Variants in CREB5 observed in about 807,000 individuals in gnomAD.
The protein encoded by CREB5 is cAMP responsive element binding protein 5, also known as cyclic AMP-responsive element-binding protein 5.
CREB5 carries 19 observed loss-of-function variants against 57.1 expected under a neutral mutation model. The ratio of observed to expected loss-of-function variants is 0.33; its 90% CI spans 0.23 to 0.49. The LOEUF (loss-of-function observed/expected upper bound fraction) is 0.49, where lower values mean the gene tolerates loss of function less well. Ranked by LOEUF, CREB5 falls within the 20% of genes least tolerant of loss-of-function variation. The pLI is 0.99. For synonymous variants in CREB5, 238 were observed against 238.3 expected (o/e 1.00, Z 0.01); for missense variants, 579 against 671.6 (o/e 0.86, Z 1.52).
rs1280116550 is a variant in CREB5 at position 28,561,011 on chromosome 7, T to TGC, written c.292-9353_292-9352insCG. 2.3e-3 allele frequency among the ~76,000 whole-genome samples: 110 copies of TGC among 48,034 alleles called. 7 individuals carry two copies. Among genetic ancestry groups the TGC allele is most frequent in the East Asian group, 7.5e-3 (9 of 1,202 alleles). 31.5% of individuals were successfully genotyped at this position (48,034 alleles called of 152,430 possible). ...GTGTGTGTGCCTGCGTGTGCGTGTG[T>TGC]GTGTGCGTGTGTGCGTGTGTGTGTG... On this transcript the variant is annotated intron_variant, in intron 4 of 10. Coordinates refer to ENST00000357727, the MANE Select transcript of CREB5 (RefSeq NM_182898.4).
chr7:28,479,076 T>C (rs1279411033), intron 1 of CREB5, among the ~76,000 whole-genome samples: 1 of 152,220 alleles, frequency 6.6e-6, no homozygotes, highest in African/African-American at 2.4e-5. Flanking sequence ...AGTCCCTTCC[T>C]TTCATCTCCT....
At chr7:28,598,820 G>T (rs906797488) in intron 5 of CREB5, among the ~76,000 whole-genome samples, 1 of 152,126 alleles carries the variant, frequency 6.6e-6, no homozygotes, top group East Asian at 1.9e-4. Context: ...GGATGGACGC[G>T]GGGGAGTCTA....
chr7:28,668,456 T>G (rs41339), intron 5 of CREB5, among the ~76,000 whole-genome samples: 136,685 of 152,156 alleles, frequency 0.9, 61,571 homozygotes, highest in Non-Finnish European at 0.93. Context: ...GAATCCTATT[T>G]TAATTATGCA....
Position 28,823,846 on chromosome 7 carries a change from G to A in CREB5, c.*4567G>A, listed in dbSNP as rs1809919943. 1 of 152,576 alleles carries A rather than the reference G, an allele frequency of 6.6e-6. No individual in the cohort carries two copies. The highest frequency in any genetic ancestry group is 6.6e-5 in the Admixed American group (1 of 15,264). The allele number at this position is 152,576 out of a possible 1,614,324, so 9.5% of individuals were successfully genotyped here. On this transcript the variant is annotated 3_prime_UTR_variant, in exon 11 of 11. Transcript: ENST00000357727. Reference sequence around the variant, plus strand: ...TCAAGCTCCATTATGCAGTATATCTGAGAAGGGAAAGGAAACAACCCATTT... The same window carrying A: ...TCAAGCTCCATTATGCAGTATATCTAAGAAGGGAAAGGAAACAACCCATTT...
At chr7:28,371,531 A>T (rs1353333020) in intron 1 of CREB5, among the ~76,000 whole-genome samples, 3 of 145,298 alleles carry the variant, frequency 2.1e-5, no homozygotes, top group African/African-American at 7.6e-5. Flanking sequence ...GAAAATTGGG[A>T]GGTGGGGAGG....
intron 4 of CREB5, among the ~76,000 whole-genome samples, chr7:28,533,139 G>C (rs1793798260): frequency 6.6e-6 from 1 of 152,112 alleles, no homozygotes; most frequent in Non-Finnish European, 1.5e-5. Flanking sequence ...CTGGAAGGCG[G>C]AGGTAGCAGT....
chr7:28,576,064 C>A (rs1408995341), intron 5 of CREB5, among the ~76,000 whole-genome samples: 1 of 152,072 alleles, frequency 6.6e-6, no homozygotes, highest in Non-Finnish European at 1.5e-5. Context: ...GAAAAATACC[C>A]CAGCTCTCGT....
rs374321227 is a variant in CREB5 at position 28,396,045 on chromosome 7, T to C, written c.-25+96604T>C. Reference sequence around the variant, plus strand: ...ACAAATAACCTAGAAACAGCAGGATTGCCAAACAATCTCCAGCCCCTGAAA... The same window carrying C: ...ACAAATAACCTAGAAACAGCAGGATCGCCAAACAATCTCCAGCCCCTGAAA... On this transcript the variant is annotated intron_variant, in intron 1 of 9. Transcript: ENST00000396299. 1.5e-4 allele frequency among the ~76,000 whole-genome samples: 23 copies of C among 152,304 alleles called. No homozygotes were observed. The East Asian group carries it at 3.5e-3, about 23-fold the overall frequency.
At chr7:28,589,328 G>A (rs559694580) in intron 5 of CREB5, among the ~76,000 whole-genome samples, 8 of 152,114 alleles carry the variant, frequency 5.3e-5, no homozygotes, top group African/African-American at 1.9e-4. Context: ...ACCGAGGTGG[G>A]TGGATCACAA....
chr7:28,530,634 C>T (rs931671100), intron 4 of CREB5, among the ~76,000 whole-genome samples: 2 of 152,216 alleles, frequency 1.3e-5, no homozygotes, highest in Admixed American at 6.5e-5. Context: ...ATGGCCCTCC[C>T]TCTACGCTGC....
intron 4 of CREB5, among the ~76,000 whole-genome samples, chr7:28,532,726 A>C (rs1386464539): frequency 6.6e-6 from 1 of 152,270 alleles, no homozygotes; most frequent in African/African-American, 2.4e-5. Flanking sequence ...TGTTCATTTG[A>C]TCAGCAGGAT....
At chr7:28,654,411 T>A (rs1216264685) in intron 5 of CREB5, among the ~76,000 whole-genome samples, 2 of 152,240 alleles carry the variant, frequency 1.3e-5, no homozygotes, top group Non-Finnish European at 2.9e-5. Context: ...CAAATGGCAC[T>A]GTTTAAATCA....
chr7:28,374,865 A>G (rs934561584), intron 1 of CREB5, among the ~76,000 whole-genome samples: 2 of 152,164 alleles, frequency 1.3e-5, no homozygotes, highest in South Asian at 4.1e-4. Flanking sequence ...GAGGTCACTC[A>G]GTGTCAGTGA....
At chr7:28,324,549 T>C (rs1308442303) in intron 1 of CREB5, among the ~76,000 whole-genome samples, 1 of 152,204 alleles carries the variant, frequency 6.6e-6, no homozygotes, top group Non-Finnish European at 1.5e-5. Context: ...TCTCCTTCAC[T>C]GGCTCCTCCT....
intron 4 of CREB5, among the ~76,000 whole-genome samples, chr7:28,512,555 G>A (rs1024052768): frequency 2.0e-5 from 3 of 151,128 alleles, no homozygotes; most frequent in African/African-American, 7.3e-5. Flanking sequence ...AAAAAAAGAG[G>A]TGTGTGAATT....
chr7:28,673,646 TC>T (rs1218177731), intron 5 of CREB5, among the ~76,000 whole-genome samples: 1 of 145,062 alleles, frequency 6.9e-6, no homozygotes, highest in African/African-American at 2.6e-5. Flanking sequence ...ACATGAAGTT[TC>T]TCTCTCTCTC....
At chr7:28,326,212 C>CTAT (rs1562657941) in intron 1 of CREB5, among the ~76,000 whole-genome samples, 10 of 106,606 alleles carry the variant, frequency 9.4e-5, no homozygotes, top group Non-Finnish European at 1.8e-4. Context: ...TATCTATCTA[C>CTAT]CTATCTATCT....
intron 5 of CREB5, among the ~76,000 whole-genome samples, chr7:28,616,917 G>A (rs1383401015): frequency 1.3e-5 from 2 of 152,152 alleles, no homozygotes; most frequent in African/African-American, 2.4e-5. Context: ...TTAAACAAGT[G>A]TTTGTACTAT....
intron 5 of CREB5, among the ~76,000 whole-genome samples, chr7:28,673,645 T>C (rs1474954145): frequency 1.4e-5 from 2 of 146,282 alleles, no homozygotes; most frequent in Non-Finnish European, 3.0e-5. Flanking sequence ...GACATGAAGT[T>C]TCTCTCTCTC....
Sources: gnomAD v4.1 joint callset for allele counts (sites outside exome capture counted in the v4.1 genomes callset) on GRCh38, gnomAD v4.1.1 for gene constraint, MANE v1.5 for transcripts, NCBI Gene and HGNC (gene_info 2026-07-23, HGNC 2026-07-21) for gene names.